DNM3: variants seen among roughly 807,000 people sequenced by gnomAD.
DNM3 encodes dynamin-3.
Under a neutral mutation model 101.6 loss-of-function variants are expected in DNM3, and 47 were observed. That is an observed-to-expected ratio of 0.46 (90% CI 0.37 to 0.59). DNM3 has a LOEUF of 0.59. Ranked by LOEUF, DNM3 falls within the 20% of genes least tolerant of loss-of-function variation. DNM3 has a pLI of 0.00. For missense variants in DNM3, 849 were observed against 1,085.7 expected (o/e 0.78, Z 3.06); for synonymous variants, 385 against 387.9 (o/e 0.99, Z 0.09).
chr1:172,390,478 T>A (rs1485205270), intron 20 of DNM3, among the ~76,000 whole-genome samples: 1 of 152,138 alleles, frequency 6.6e-6, no homozygotes. Context: ...TGGAGGGCTG[T>A]CCTGTGTATT....
At chr1:172,068,657 C>T (rs1489905839) in intron 10 of DNM3, among the ~76,000 whole-genome samples, 162 bp from the exon 11 acceptor site, 1 of 152,152 alleles carries the variant, frequency 6.6e-6, no homozygotes, top group Non-Finnish European at 1.5e-5. Flanking sequence ...TGTGAAGCCT[C>T]TCCCATCACC....
intron 15 of DNM3, among the ~76,000 whole-genome samples, chr1:172,292,083 A>G (rs4082059): frequency 0.052 from 7,985 of 152,292 alleles, 279 homozygotes; most frequent in South Asian, 0.11. Flanking sequence ...GGTCACGTGC[A>G]CAGGACCTAA....
intron 14 of DNM3, among the ~76,000 whole-genome samples, chr1:172,241,855 T>C (rs535780681): frequency 1.4e-4 from 22 of 152,282 alleles, no homozygotes; most frequent in African/African-American, 5.3e-4. Flanking sequence ...GCAGAAAGTA[T>C]ATCTCATCTG....
intron 2 of DNM3, among the ~76,000 whole-genome samples, chr1:171,960,115 GAACTTATAAA>G (rs1196273886): frequency 6.6e-6 from 1 of 152,120 alleles, no homozygotes; most frequent in African/African-American, 2.4e-5. Flanking sequence ...AATGACTGCT[GAACTTATAAA>G]ATGAGAAAAA....
chr1:172,006,162 G>A (rs1386669026), intron 4 of DNM3, among the ~76,000 whole-genome samples: 1 of 152,218 alleles, frequency 6.6e-6, no homozygotes, highest in African/African-American at 2.4e-5. Flanking sequence ...GCAGTGGTGG[G>A]TGCCTACAGG....
At chr1:171,940,186 A>G (rs1218477216) in intron 2 of DNM3, among the ~76,000 whole-genome samples, 4 of 152,176 alleles carry the variant, frequency 2.6e-5, no homozygotes, top group African/African-American at 9.7e-5. Context: ...AAAGTGAACT[A>G]ACTTCTCATT....
intron 2 of DNM3, among the ~76,000 whole-genome samples, chr1:171,944,728 T>C (rs1200736824): frequency 2.0e-5 from 3 of 151,994 alleles, no homozygotes. Flanking sequence ...GATGATATAG[T>C]ACTCTATAGT....
At chr1:172,119,783 T>A (rs1276085649) in intron 13 of DNM3, among the ~76,000 whole-genome samples, 5 of 152,172 alleles carry the variant, frequency 3.3e-5, no homozygotes, top group Non-Finnish European at 7.3e-5. Flanking sequence ...CTACTCTCTG[T>A]CCATGAATGT....
intron 4 of DNM3, among the ~76,000 whole-genome samples, chr1:171,992,238 A>G (rs1183176484): frequency 1.3e-5 from 2 of 152,184 alleles, no homozygotes; most frequent in African/African-American, 2.4e-5. Context: ...CAGTAACTAC[A>G]TCTCATTTCT....
chr1:171,903,240 T>C (rs1216983225), intron 1 of DNM3, among the ~76,000 whole-genome samples: 1 of 152,064 alleles, frequency 6.6e-6, no homozygotes, highest in Non-Finnish European at 1.5e-5. Flanking sequence ...AAATTCTAAT[T>C]GAGAGAAATA....
chr1:172,339,467 G>A (rs1200476053), intron 17 of DNM3, among the ~76,000 whole-genome samples: 1 of 152,172 alleles, frequency 6.6e-6, no homozygotes, highest in Non-Finnish European at 1.5e-5. Flanking sequence ...TGGGAACCAA[G>A]GGCTCCTCAA....
In DNM3 at chr1:172,068,773, G is replaced by A. The variant is rs763035640; in HGVS notation, c.1336-46G>A. On this transcript the variant is annotated intron_variant, in intron 10 of 20. Coordinates refer to ENST00000627582, the MANE Select transcript of DNM3 (RefSeq NM_015569.5). ...ATTTATCTCTGCTTCTTTTTTGGTAGTGTAACTTTTTGAGTATTAATACTC... is the reference window on the plus strand; with the variant it reads ...ATTTATCTCTGCTTCTTTTTTGGTAATGTAACTTTTTGAGTATTAATACTC... The A allele has an allele frequency of 2.8e-6, 4 of 1,453,886 alleles. 1 individual carries two copies. Among genetic ancestry groups the A allele is most frequent in the South Asian group, 2.5e-5 (2 of 80,724 alleles). The allele number at this position is 1,453,886 out of a possible 1,614,324, so 90.1% of individuals were successfully genotyped here.
intron 10 of DNM3, among the ~76,000 whole-genome samples, chr1:172,065,697 C>T (rs111881965): frequency 0.011 from 1,623 of 152,170 alleles, 33 homozygotes; most frequent in African/African-American, 0.037. Flanking sequence ...GGTGAGAAAT[C>T]GAGGACCTCA....
At chr1:171,847,063 C>T (rs1489544332) in intron 1 of DNM3, among the ~76,000 whole-genome samples, 1 of 152,080 alleles carries the variant, frequency 6.6e-6, no homozygotes, top group Non-Finnish European at 1.5e-5. Flanking sequence ...AATATGGACA[C>T]ATAAAACCAA....
intron 17 of DNM3, among the ~76,000 whole-genome samples, chr1:172,373,594 AAG>A (rs2068458282): frequency 6.6e-6 from 1 of 152,112 alleles, no homozygotes; most frequent in African/African-American, 2.4e-5. Context: ...GTTGATCTTT[AAG>A]CAATCTTGAC....
chr1:172,014,890 CTA>C (rs1490211554), intron 4 of DNM3, among the ~76,000 whole-genome samples: 2 of 151,898 alleles, frequency 1.3e-5, no homozygotes, highest in Non-Finnish European at 2.9e-5. Context: ...GGTTTTTATC[CTA>C]TGTTAACTTT....
intron 2 of DNM3, among the ~76,000 whole-genome samples, chr1:171,953,117 T>C (rs979847197): frequency 1.3e-5 from 2 of 152,214 alleles, no homozygotes; most frequent in Non-Finnish European, 1.5e-5. Flanking sequence ...TAAGAGATGA[T>C]CTGCTAAGGT....
chr1:172,359,817 C>G (rs1388842750), intron 17 of DNM3, among the ~76,000 whole-genome samples: 4 of 151,918 alleles, frequency 2.6e-5, no homozygotes, highest in African/African-American at 7.2e-5. Flanking sequence ...GCTCTTTTCC[C>G]TGAGCTCATT....
chr1:172,225,134 C>CTTTTTTTTTTTTTTTTTTTTT (rs1168334078), intron 14 of DNM3, among the ~76,000 whole-genome samples: 4 of 65,528 alleles, frequency 6.1e-5, no homozygotes, highest in South Asian at 7.3e-4. Flanking sequence ...TCTTCTTCCT[C>CTTTTTTTTTTTTTTTTTTTTT]TTTTTTTTTT....
Sources: allele counts gnomAD v4.1 joint callset (sites outside exome capture counted in the v4.1 genomes callset), GRCh38; gene constraint gnomAD v4.1.1; transcripts MANE v1.5; gene names NCBI Gene and HGNC (gene_info 2026-07-23, HGNC 2026-07-21).